SNX33: variants seen among roughly 807,000 people sequenced by gnomAD.
SNX33 encodes the protein sorting nexin-33.
A neutral mutation model predicts 38.8 loss-of-function variants in SNX33; 19 were observed. The ratio of observed to expected loss-of-function variants is 0.49; its 90% CI spans 0.34 to 0.72. The LOEUF is 0.72. Ranked by LOEUF, SNX33 falls within the 30% of genes least tolerant of loss-of-function variation. SNX33 has a pLI of 0.01. For missense variants in SNX33, 641 were observed against 776.4 expected (o/e 0.83, Z 2.07); for synonymous variants, 246 against 289.7 (o/e 0.85, Z 1.53).
In SNX33 at chr15:75,649,716, T is replaced by C; in HGVS notation, c.614T>C (p.Met205Thr). Residue 205 changes from methionine (M) to threonine (T), a missense_variant, in exon 1 of 2, where the codon ATG becomes ACG. Physicochemically the swap from Met to Thr is moderately conservative, Grantham distance 81. Around this residue, in one of 2 missense-constraint regions of SNX33, gnomAD observed 398 missense variants for 542.5 expected, o/e 0.73. Transcript: ENST00000308527. This position sits in a 1 kb window ranked among gnomAD's most constrained non-coding sequence, Gnocchi z 6.6. Reference sequence around the variant, plus strand: ...TTCATCCTGGGTGATGTGCCCATGATGGCCAAGATCGCTGAGACATACTCC... The same window carrying C: ...TTCATCCTGGGTGATGTGCCCATGACGGCCAAGATCGCTGAGACATACTCC... ...EAFILGDVPM[M>T]AKIAETYSIE... The C allele has an allele frequency of 6.5e-7, 1 of 1,545,828 alleles. No individual in the cohort carries two copies. Among genetic ancestry groups the C allele is most frequent in the South Asian group, 1.2e-5 (1 of 80,390 alleles).
chr15:75,657,243 C>T lies in SNX33; in HGVS notation c.*28C>T. 2 of 1,612,458 alleles carry T rather than the reference C, an allele frequency of 1.2e-6. No homozygotes were observed. The highest frequency in any genetic ancestry group is 8.5e-7 in the Non-Finnish European group (1 of 1,179,034). ...GCGTGTGCCTGGGCCCCCTCCTTCC[C>T]CTGGGCCTGGTCACTGCAGTGTACC... On this transcript the variant is annotated 3_prime_UTR_variant, in exon 2 of 2. Coordinates refer to ENST00000308527, the MANE Select transcript of SNX33 (RefSeq NM_153271.2). The surrounding 1 kb of genome is among the most constrained non-coding windows in gnomAD (Gnocchi z 5.5).
Position 75,649,543 on chromosome 15 carries a change from C to A in SNX33, c.441C>A (p.Tyr147Ter), listed in dbSNP as rs766266501. The change falls in exon 1 of 2, where the codon TAC becomes TAA. Residue 147 changes from tyrosine (Y) to a stop codon, truncating the protein, a stop_gained. Coordinates refer to ENST00000308527, the MANE Select transcript of SNX33 (RefSeq NM_153271.2). LOFTEE classifies it high-confidence loss of function. This position sits in a 1 kb window ranked among gnomAD's most constrained non-coding sequence, Gnocchi z 6.6. The part of the protein sequence containing the change: ...TNGHPPLNLS[Y>*]PGAYPSQHMA... ...GGCACCCTCCCCTCAACCTCTCCTA[C>A]CCTGGTGCCTACCCCAGCCAGCACA... 2.5e-6 allele frequency: 4 copies of A among 1,612,134 alleles called. No individual in the cohort carries two copies. Among genetic ancestry groups the A allele is most frequent in the Non-Finnish European group, 3.4e-6 (4 of 1,178,836 alleles).
chr15:75,648,947 A>G lies in SNX33; in HGVS notation c.-156A>G, dbSNP rs1893532683. Reference sequence around the variant, plus strand: ...TGCTTTGAAGAGGGGGAGACTGGACAGCATCTGTGGGTGCTGAGACCCCAC... The same window carrying G: ...TGCTTTGAAGAGGGGGAGACTGGACGGCATCTGTGGGTGCTGAGACCCCAC... On this transcript the variant is annotated 5_prime_UTR_variant, in exon 1 of 2. Transcript: ENST00000308527. The surrounding 1 kb of genome is among the most constrained non-coding windows in gnomAD (Gnocchi z 4.4). The G allele has an allele frequency of 1.2e-6, 1 of 856,582 alleles. No individual in the cohort carries two copies. The highest frequency in any genetic ancestry group is 1.7e-5 in the African/African-American group (1 of 58,232). The allele number at this position is 856,582 out of a possible 1,614,324, so 53.1% of individuals were successfully genotyped here.
rs12917507 is a variant in SNX33, at chr15:75,661,562, T to G, written c.*4347T>G. On this transcript the variant is annotated 3_prime_UTR_variant, in exon 2 of 2. Transcript: ENST00000308527. The surrounding 1 kb of genome is among the most constrained non-coding windows in gnomAD (Gnocchi z 4.5). ...CTTTTTTTTTCTTTTGGTTTGGTTT[T>G]GTTTTGTTGGTCAAACCCCAGTGCA... 86,166 of 151,582 alleles carry G rather than the reference T, an allele frequency of 0.57. 24,554 individuals are homozygous for G. Among genetic ancestry groups the G allele is most frequent in the African/African-American group, 0.6 (24,628 of 41,256 alleles). 9.4% of individuals were successfully genotyped at this position (151,582 alleles called of 1,614,324 possible). A position where few individuals can be genotyped will look rare whatever the true frequency, so the allele number is the denominator to read the frequency against.
chr15:75,650,673 T>G lies in SNX33; in HGVS notation c.1471+100T>G, dbSNP rs986857093. ...TGGATAGAATGGAGCAACTTGTCTT[T>G]ATTTCTCTGTCTCAATCATTCATTT... On this transcript the variant is annotated intron_variant, in intron 1 of 1. Transcript: ENST00000308527. The surrounding 1 kb of genome is among the most constrained non-coding windows in gnomAD (Gnocchi z 6.1). The G allele has an allele frequency of 3.6e-6, 5 of 1,400,730 alleles. No individual in the cohort carries two copies. In the African/African-American group the frequency reaches 7.3e-5, roughly 20 times the overall value. The allele number at this position is 1,400,730 out of a possible 1,614,324, so 86.8% of individuals were successfully genotyped here.
At position 75,652,697 on chromosome 15, in the gene SNX33, C is replaced by T. The variant is rs192497301; in HGVS notation, c.1471+2124C>T. ...AGGCCAGCCCACTGCCTTCCCTCCC[C>T]GGGAGGACCCCTCCCAATGGGCCAA... On this transcript the variant is annotated intron_variant, in intron 1 of 1. Coordinates refer to ENST00000308527, the MANE Select transcript of SNX33 (RefSeq NM_153271.2). Among the ~76,000 whole-genome samples, 31 of 152,308 alleles carry T rather than the reference C, an allele frequency of 2.0e-4. No homozygotes were observed. In the East Asian group the frequency reaches 4.8e-3, roughly 24 times the overall value.
At chr15:75,654,780 G>A (rs550306560) in intron 1 of SNX33, among the ~76,000 whole-genome samples, 3 of 152,250 alleles carry the variant, frequency 2.0e-5, no homozygotes, top group Non-Finnish European at 4.4e-5. Context: ...GTTTCCCCCC[G>A]ACCTCTGCAG....
intron 1 of SNX33, 27 bp from the exon 2 acceptor site, chr15:75,656,935 C>T (rs368950798): frequency 6.1e-5 from 97 of 1,602,372 alleles, no homozygotes; most frequent in Non-Finnish European, 7.5e-5. Flanking sequence ...AGCCCTCACA[C>T]GCTGTCCTCT....
chr15:75,652,078 T>C (rs562514968), intron 1 of SNX33, among the ~76,000 whole-genome samples: 1 of 150,866 alleles, frequency 6.6e-6, no homozygotes, highest in East Asian at 2.0e-4. Flanking sequence ...CAAACCTGAG[T>C]GCTAGTCTTG....
Position 75,659,965 on chromosome 15 carries a change from A to G in SNX33, c.*2750A>G. 1 of 148,572 alleles carries G rather than the reference A, an allele frequency of 6.7e-6. No individual in the cohort carries two copies. The highest frequency in any genetic ancestry group is 1.5e-5 in the Non-Finnish European group (1 of 67,258). 9.2% of individuals were successfully genotyped at this position (148,572 alleles called of 1,614,324 possible). Reference sequence around the variant, plus strand: ...TCTATGGGGGTGGGGGTATTGGGGGAACTTGGGGCCGTTCTGGGGTAGCTA... The same window carrying G: ...TCTATGGGGGTGGGGGTATTGGGGGGACTTGGGGCCGTTCTGGGGTAGCTA... On this transcript the variant is annotated 3_prime_UTR_variant, in exon 2 of 2. Coordinates refer to ENST00000308527, the MANE Select transcript of SNX33 (RefSeq NM_153271.2).
In SNX33 at chr15:75,650,146, G is replaced by A. The variant is rs143096137; in HGVS notation, c.1044G>A (p.Ala348=). ...DKQWKMGKRR[A]EKDEMVGASF... ...AGTGGAAGATGGGCAAACGCCGGGC[G>A]GAGAAGGATGAGATGGTGGGTGCCA... The change falls in exon 1 of 2, where the codon GCG becomes GCA. Residue 348 remains alanine, a synonymous_variant. Transcript: ENST00000308527. This position sits in a 1 kb window ranked among gnomAD's most constrained non-coding sequence, Gnocchi z 6.1. The A allele has an allele frequency of 1.1e-4, 170 of 1,613,084 alleles. 4 individuals carry two copies. In the Middle Eastern group the frequency reaches 0.01, roughly 97 times the overall value.
chr15:75,653,239 G>A (rs567873229), intron 1 of SNX33, among the ~76,000 whole-genome samples: 7 of 152,290 alleles, frequency 4.6e-5, no homozygotes, highest in Admixed American at 3.9e-4. Context: ...GAGGAGCCTG[G>A]TCCTCCCACG....
At position 75,650,221 on chromosome 15, in the gene SNX33, C is replaced by T. The variant is rs1340984686; in HGVS notation, c.1119C>T (p.Asp373=). ...CCACCGAGCACCAGGACTTGCAGGACGTGGAAGATCGCGTGGACACTTTCA... is the reference window on the plus strand; with the variant it reads ...CCACCGAGCACCAGGACTTGCAGGATGTGGAAGATCGCGTGGACACTTTCA... ...QIPTEHQDLQ[D]VEDRVDTFKA... The change falls in exon 1 of 2, where the codon GAC becomes GAT. Residue 373 remains aspartate (D), a synonymous_variant. Coordinates refer to ENST00000308527, the MANE Select transcript of SNX33 (RefSeq NM_153271.2). This position sits in a 1 kb window ranked among gnomAD's most constrained non-coding sequence, Gnocchi z 6.1. 12 of 1,590,554 alleles carry T rather than the reference C, an allele frequency of 7.5e-6. No individual in the cohort carries two copies. The highest frequency in any genetic ancestry group is 2.2e-5 in the East Asian group (1 of 44,660).
chr15:75,649,759 T>C lies in SNX33; in HGVS notation c.657T>C (p.Arg219=), dbSNP rs949169529. 3 of 1,523,540 alleles carry C rather than the reference T, an allele frequency of 2.0e-6. No individual in the cohort carries two copies. The highest frequency in any genetic ancestry group is 2.6e-6 in the Non-Finnish European group (3 of 1,134,154). 94.4% of individuals were successfully genotyped at this position (1,523,540 alleles called of 1,614,324 possible). A position where few individuals can be genotyped will look rare whatever the true frequency, so the allele number is the denominator to read the frequency against. The change falls in exon 1 of 2, where the codon CGT becomes CGC. Residue 219 remains arginine (R), a synonymous_variant. Transcript: ENST00000308527. This position sits in a 1 kb window ranked among gnomAD's most constrained non-coding sequence, Gnocchi z 6.6. The part of the protein sequence containing the change: ...AETYSIEMGP[R]GPQWKANPHP... ...CATACTCCATTGAAATGGGCCCTCG[T>C]GGCCCCCAGTGGAAGGCCAATCCCC... is the stretch of plus-strand genomic sequence containing the variant.
At position 75,657,260 on chromosome 15, in the gene SNX33, C is replaced by T; in HGVS notation, c.*45C>T. ...CTCCTTCCCCTGGGCCTGGTCACTG[C>T]AGTGTACCCCACTTTCCCGACCTCC... On this transcript the variant is annotated 3_prime_UTR_variant, in exon 2 of 2. Coordinates refer to ENST00000308527, the MANE Select transcript of SNX33 (RefSeq NM_153271.2). The surrounding 1 kb of genome is among the most constrained non-coding windows in gnomAD (Gnocchi z 5.5). The T allele has an allele frequency of 1.2e-6, 2 of 1,607,258 alleles. No homozygotes were observed. The highest frequency in any genetic ancestry group is 1.7e-6 in the Non-Finnish European group (2 of 1,175,838).
In SNX33 at chr15:75,660,895, TACAGGCAC is replaced by T. The variant is rs1335792372; in HGVS notation, c.*3685_*3692del. On this transcript the variant is annotated 3_prime_UTR_variant, in exon 2 of 2. Coordinates refer to ENST00000308527, the MANE Select transcript of SNX33 (RefSeq NM_153271.2). ...AGTAGAGCCAGTCACAAGCACCACA[TACAGGCAC>T]ACAGCCTGAGGTCTAGGGATGCAAT... 8 of 152,032 alleles carry T rather than the reference TACAGGCAC, an allele frequency of 5.3e-5. No homozygotes were observed. The highest frequency in any genetic ancestry group is 1.9e-4 in the African/African-American group (8 of 41,374). 9.4% of individuals were successfully genotyped at this position (152,032 alleles called of 1,614,324 possible).
intron 1 of SNX33, among the ~76,000 whole-genome samples, chr15:75,655,508 C>T (rs1212755746): frequency 1.3e-5 from 2 of 152,186 alleles, no homozygotes; most frequent in African/African-American, 4.8e-5. Context: ...ACTCTCTGAA[C>T]TTGAGTCTGT....
intron 1 of SNX33, among the ~76,000 whole-genome samples, chr15:75,653,631 G>A (rs1893612541): frequency 1.3e-5 from 2 of 152,220 alleles, no homozygotes; most frequent in African/African-American, 4.8e-5. Context: ...GCCAGAAGGC[G>A]AAAGAGGAGG....
chr15:75,657,136 A>C lies in SNX33; in HGVS notation c.1646A>C (p.Tyr549Ser). The change falls in exon 2 of 2, where the codon TAC becomes TCC. Residue 549 changes from tyrosine to serine, a missense_variant. This residue lies in a region of SNX33 where 398 missense variants were observed against 542.5 expected (regional missense o/e 0.73). Coordinates refer to ENST00000308527, the MANE Select transcript of SNX33 (RefSeq NM_153271.2). This position sits in a 1 kb window ranked among gnomAD's most constrained non-coding sequence, Gnocchi z 5.5. ...GACTTCAAGCACATGATGCAGAACT[A>C]CTTGCGCCAGCAGATCCTCTTCTAC... ...ELDFKHMMQN[Y>S]LRQQILFYQR... The C allele has an allele frequency of 6.2e-7, 1 of 1,614,178 alleles. No individual in the cohort carries two copies. Among genetic ancestry groups the C allele is most frequent in the Non-Finnish European group, 8.5e-7 (1 of 1,180,016 alleles).
Sources: gnomAD v4.1 joint callset for allele counts (sites outside exome capture counted in the v4.1 genomes callset) on GRCh38, gnomAD v4.1.1 for gene constraint, gnomAD v4.1.1 regional missense constraint, Gnocchi (gnomAD v3.1) non-coding constraint, MANE v1.5 for transcripts, NCBI Gene and HGNC (gene_info 2026-07-23, HGNC 2026-07-21) for gene names.